Variants in SFMBT2 observed in about 807,000 individuals in gnomAD.
SFMBT2 encodes the protein scm-like with four MBT domains protein 2.
A neutral mutation model predicts 110.1 loss-of-function variants in SFMBT2; 38 were observed. The observed-to-expected ratio is 0.35, with a 90% CI of 0.27 to 0.45. The LOEUF (loss-of-function observed/expected upper bound fraction) is 0.45. Among genes scored for constraint, SFMBT2 ranks in the 20% least tolerant of loss-of-function variants. The probability of loss-of-function intolerance (pLI) is 1.00; values close to 1 mark genes in which losing one functional copy is unlikely to be tolerated. For missense variants in SFMBT2, 1,011 were observed against 1,094.9 expected, an observed-to-expected ratio of 0.92 and a Z score of 1.08; for synonymous variants, 425 against 425.4, an observed-to-expected ratio of 1.00 and a Z score of 0.01.
chr10:7,381,528 G>A (rs2254741), intron 2 of SFMBT2, among the ~76,000 whole-genome samples: 38,300 of 151,998 alleles, frequency 0.25, 4,945 homozygotes, highest in South Asian at 0.41. Flanking sequence ...TCCATGCTAC[G>A]GTGATTTGTA....
intron 11 of SFMBT2, 117 bp downstream of exon 11, chr10:7,220,294 T>C (rs374790137): frequency 1.4e-6 from 1 of 727,218 alleles, no homozygotes; most frequent in Admixed American, 2.5e-5. Flanking sequence ...ATTTAAGATC[T>C]GTTTAAATGA....
In SFMBT2 at chr10:7,299,981, C is replaced by A. The variant is rs553535425; in HGVS notation, c.437-14027G>T. On this transcript the variant is annotated intron_variant, in intron 4 of 20. Transcript: ENST00000397167. ...GCCATAAAAAGGAATGAATACTATG[C>A]AGCCATGAAAAGGAATAAGATCATA... Among the ~76,000 whole-genome samples, 11 of 152,270 alleles carry A rather than the reference C, an allele frequency of 7.2e-5. No homozygotes were observed. In the East Asian group the frequency reaches 2.1e-3, roughly 29 times the overall value.
At chr10:7,269,088 CTT>C (rs1841489433) in intron 7 of SFMBT2, among the ~76,000 whole-genome samples, 2 of 152,128 alleles carry the variant, frequency 1.3e-5, no homozygotes. Flanking sequence ...TAAAATGAGG[CTT>C]TTAATGTCCT....
chr10:7,214,443 G>A, intron 11 of SFMBT2: 1 of 543,304 alleles, frequency 1.8e-6, no homozygotes, highest in Non-Finnish European at 2.3e-6. Flanking sequence ...CAGATAAATG[G>A]GAAGATGCCA....
At chr10:7,215,224 G>C (rs1478005157) in intron 11 of SFMBT2, among the ~76,000 whole-genome samples, 1 of 152,092 alleles carries the variant, frequency 6.6e-6, no homozygotes, top group African/African-American at 2.4e-5. Context: ...AACATAGTGG[G>C]ACCCGCATCT....
chr10:7,183,782 T>C (rs946826577), intron 16 of SFMBT2, among the ~76,000 whole-genome samples: 2 of 152,224 alleles, frequency 1.3e-5, no homozygotes, highest in African/African-American at 4.8e-5. Context: ...ATCCAATTTG[T>C]CTTTCCCAAA....
chr10:7,397,372 TTTG>T (rs1184134628), intron 1 of SFMBT2, among the ~76,000 whole-genome samples: 1 of 151,224 alleles, frequency 6.6e-6, no homozygotes, highest in African/African-American at 2.4e-5. Context: ...TTGTTGTTTT[TTTG>T]TTTTTTTTTT....
chr10:7,202,368 G>C, intron 13 of SFMBT2, 112 bp downstream of exon 13: 2 of 1,309,106 alleles, frequency 1.5e-6, no homozygotes, highest in South Asian at 1.2e-5. Context: ...ACCTCTACTA[G>C]GGTGCTATTT....
rs755823134 is a variant in SFMBT2, at chr10:7,243,721, T to A, written c.973-16A>T. The A allele has an allele frequency of 1.2e-6, 1 of 866,600 alleles. No individual in the cohort carries two copies. Among genetic ancestry groups the A allele is most frequent in the South Asian group, 1.3e-5 (1 of 76,272 alleles). The allele number at this position is 866,600 out of a possible 1,614,324, so 53.7% of individuals were successfully genotyped here. ...TGTTAAAAACCTAAAAGAAAAAAAA[T>A]GGGGGAGCCAAAGGTTAATTCTTTA... On this transcript the variant is annotated splice_polypyrimidine_tract_variant and intron_variant, in intron 8 of 20. Coordinates refer to ENST00000397167, the MANE Select transcript of SFMBT2 (RefSeq NM_001387889.1).
At chr10:7,318,951 T>C (rs1391234370) in intron 4 of SFMBT2, among the ~76,000 whole-genome samples, 1 of 152,128 alleles carries the variant, frequency 6.6e-6, no homozygotes, top group African/African-American at 2.4e-5. Flanking sequence ...GAGTGCCGCC[T>C]GTACAAAGGC....
rs934184946 is a variant in SFMBT2, at chr10:7,160,816, A to C, written c.*2954T>G. ...CAATTCTGTACCAGAACTGCTGCTG[A>C]TGTGAAGTCCATCCACCACGACGGA... On this transcript the variant is annotated 3_prime_UTR_variant, in exon 21 of 21. Coordinates refer to ENST00000397167, the MANE Select transcript of SFMBT2 (RefSeq NM_001387889.1). 2 of 152,246 alleles carry C rather than the reference A, an allele frequency of 1.3e-5. No homozygotes were observed. Among genetic ancestry groups the C allele is most frequent in the African/African-American group, 4.8e-5 (2 of 41,428 alleles). The allele number at this position is 152,246 out of a possible 1,614,324, so 9.4% of individuals were successfully genotyped here. A position where few individuals can be genotyped will look rare whatever the true frequency, so the allele number is the denominator to read the frequency against.
intron 9 of SFMBT2, among the ~76,000 whole-genome samples, chr10:7,239,297 T>C (rs938109925): frequency 6.6e-6 from 1 of 152,192 alleles, no homozygotes; most frequent in African/African-American, 2.4e-5. Context: ...ACATCTGAAA[T>C]CACTTGGCAA....
chr10:7,260,662 C>G (rs113866476), intron 7 of SFMBT2, among the ~76,000 whole-genome samples: 4 of 152,186 alleles, frequency 2.6e-5, no homozygotes, highest in African/African-American at 9.7e-5. Context: ...CCGGCTTACA[C>G]CACTGGTTCT....
chr10:7,180,644 T>C (rs1838217539), intron 16 of SFMBT2, among the ~76,000 whole-genome samples: 2 of 151,976 alleles, frequency 1.3e-5, no homozygotes. Flanking sequence ...TGCCTTCCCC[T>C]CCCTTCCAAA....
chr10:7,331,625 C>A (rs376477703), intron 4 of SFMBT2, among the ~76,000 whole-genome samples: 2 of 152,272 alleles, frequency 1.3e-5, no homozygotes, highest in Non-Finnish European at 2.9e-5. Context: ...TCCTCTCTTC[C>A]TGCGCCCCCA....
intron 11 of SFMBT2, among the ~76,000 whole-genome samples, chr10:7,208,901 G>A (rs1158468780): frequency 6.6e-6 from 1 of 152,078 alleles, no homozygotes; most frequent in Non-Finnish European, 1.5e-5. Flanking sequence ...AATTAAACAA[G>A]TATTTATGAG....
chr10:7,313,254 T>C (rs920919456), intron 4 of SFMBT2, among the ~76,000 whole-genome samples: 6 of 151,908 alleles, frequency 3.9e-5, no homozygotes, highest in Admixed American at 1.3e-4. Flanking sequence ...AATTGTATTG[T>C]TCTACAACGC....
At chr10:7,166,900 G>A (rs2462696) in intron 20 of SFMBT2, among the ~76,000 whole-genome samples, 145,977 of 152,334 alleles carry the variant, frequency 0.96, 70,118 homozygotes, top group East Asian at 1. Context: ...GATTATTTAG[G>A]TAACAGCATA....
intron 7 of SFMBT2, among the ~76,000 whole-genome samples, chr10:7,255,653 C>T (rs79032106): frequency 6.6e-6 from 1 of 152,194 alleles, no homozygotes; most frequent in Non-Finnish European, 1.5e-5. Context: ...TTTCAGCAGA[C>T]TGACGTGGTA....
Sources: gnomAD v4.1 joint callset for allele counts (sites outside exome capture counted in the v4.1 genomes callset) on GRCh38, gnomAD v4.1.1 for gene constraint, MANE v1.5 for transcripts, NCBI Gene and HGNC (gene_info 2026-07-23, HGNC 2026-07-21) for gene names.